The following FRMD4B variants were observed in gnomAD, a reference collection of about 807,000 sequenced individuals.
FRMD4B encodes FERM domain-containing protein 4B.
Under a neutral mutation model 141.5 loss-of-function variants are expected in FRMD4B, and 74 were observed. That is an observed-to-expected ratio of 0.52 (90% CI 0.43 to 0.63). FRMD4B has a LOEUF of 0.63. Among genes scored for constraint, FRMD4B ranks in the 30% least tolerant of loss-of-function variants. The pLI is 0.00. For missense variants in FRMD4B, 1,366 were observed against 1,253.4 expected, an observed-to-expected ratio of 1.09 and a Z score of -1.36; for synonymous variants, 506 against 467.9, an observed-to-expected ratio of 1.08 and a Z score of -1.05.
intron 7 of FRMD4B, among the ~76,000 whole-genome samples, chr3:69,245,621 A>G (rs189604518): frequency 2.6e-4 from 40 of 151,064 alleles, no homozygotes; most frequent in African/African-American, 8.5e-4. Flanking sequence ...TGCTGGGATT[A>G]CAGAAGTGAG....
chr3:69,395,808 T>C (rs1051661454), intron 2 of FRMD4B, among the ~76,000 whole-genome samples: 1 of 152,214 alleles, frequency 6.6e-6, no homozygotes, highest in African/African-American at 2.4e-5. Flanking sequence ...AAAATAGTTA[T>C]GTATTCCTCA....
chr3:69,477,320 A>G (rs1706018954), intron 1 of FRMD4B, among the ~76,000 whole-genome samples: 1 of 146,484 alleles, frequency 6.8e-6, no homozygotes, highest in South Asian at 2.2e-4. Flanking sequence ...TTGCCCATTC[A>G]GTATGATATT....
At chr3:69,437,910 A>G (rs890212422) in intron 1 of FRMD4B, among the ~76,000 whole-genome samples, 9 of 136,016 alleles carry the variant, frequency 6.6e-5, no homozygotes, top group African/African-American at 2.5e-4. Flanking sequence ...CTATTATTGT[A>G]TAATATATAT....
intron 2 of FRMD4B, among the ~76,000 whole-genome samples, chr3:69,395,029 AG>A (rs1704451321): frequency 6.6e-6 from 1 of 152,082 alleles, no homozygotes; most frequent in Non-Finnish European, 1.5e-5. Flanking sequence ...GTGGAGGGCA[AG>A]GGGAGGGAGA....
At chr3:69,492,226 A>G (rs556800067) in intron 1 of FRMD4B, among the ~76,000 whole-genome samples, 1 of 152,172 alleles carries the variant, frequency 6.6e-6, no homozygotes, top group African/African-American at 2.4e-5. Context: ...TGATTTTGGC[A>G]CTTCTCCCAT....
intron 11 of FRMD4B, among the ~76,000 whole-genome samples, chr3:69,205,077 A>AAAAAAAAAAAAAAAAAAAAAAAAAG (rs1216411200): frequency 2.0e-5 from 3 of 150,616 alleles, no homozygotes; most frequent in African/African-American, 7.4e-5. Flanking sequence ...AAAAAAAAGA[A>AAAAAAAAAAAAAAAAAAAAAAAAAG]AAAGAGAAAA....
At chr3:69,360,048 T>C (rs1210674332) in intron 1 of FRMD4B, among the ~76,000 whole-genome samples, 1 of 152,190 alleles carries the variant, frequency 6.6e-6, no homozygotes, top group East Asian at 1.9e-4. Context: ...ACTCAGGCAT[T>C]CTGTTAGATT....
At chr3:69,273,179 A>C (rs1223448170) in intron 5 of FRMD4B, among the ~76,000 whole-genome samples, 2 of 152,218 alleles carry the variant, frequency 1.3e-5, no homozygotes, top group African/African-American at 4.8e-5. Context: ...ATGAGGTTTC[A>C]GGATTAACTG....
intron 1 of FRMD4B, among the ~76,000 whole-genome samples, chr3:69,381,971 A>G (rs188070845): frequency 4.9e-4 from 75 of 152,078 alleles, no homozygotes; most frequent in African/African-American, 1.7e-3. Context: ...TAACCTTTTA[A>G]TTCATTGTTA....
intron 1 of FRMD4B, among the ~76,000 whole-genome samples, chr3:69,451,050 G>C (rs1449688733): frequency 6.6e-6 from 1 of 152,164 alleles, no homozygotes. Flanking sequence ...TTCTAGCAGA[G>C]CTTCAGAAAG....
intron 1 of FRMD4B, among the ~76,000 whole-genome samples, chr3:69,487,466 A>G (rs1706233857): frequency 1.3e-5 from 2 of 152,220 alleles, no homozygotes; most frequent in African/African-American, 4.8e-5. Context: ...AACCCAGCCT[A>G]TCTGGAAGAG....
Position 69,185,552 on chromosome 3 carries a change from A to T in FRMD4B, c.1919+2218T>A, listed in dbSNP as rs964793466. Among the ~76,000 whole-genome samples the T allele has an allele frequency of 3.3e-5, 5 of 152,246 alleles. No individual in the cohort carries two copies. In the South Asian group the frequency reaches 8.3e-4, roughly 25 times the overall value. On this transcript the variant is annotated intron_variant, in intron 19 of 22. Coordinates refer to ENST00000398540, the MANE Select transcript of FRMD4B (RefSeq NM_015123.3). ...CAAGCTTTGGATCCTGCCAAGTTCT[A>T]GGCTACCTAGGTTCAAACCTTGATT...
Position 69,171,736 on chromosome 3 carries a change from A to C in FRMD4B, c.*125T>G. On this transcript the variant is annotated 3_prime_UTR_variant, in exon 23 of 23. Coordinates refer to ENST00000398540, the MANE Select transcript of FRMD4B (RefSeq NM_015123.3). ...CACTGATTCACTTCCAGGGCAACTA[A>C]GTCTTCTCTTCAACCTTTGATGTCT... 1.1e-6 allele frequency: 1 copy of C among 890,238 alleles called. No homozygotes were observed. The allele number at this position is 890,238 out of a possible 1,614,324, so 55.1% of individuals were successfully genotyped here.
chr3:69,276,835 C>T (rs1432301430), intron 5 of FRMD4B, among the ~76,000 whole-genome samples: 3 of 152,154 alleles, frequency 2.0e-5, no homozygotes, highest in Non-Finnish European at 4.4e-5. Flanking sequence ...CATGGCGGCA[C>T]GTGCCTGTAG....
intron 2 of FRMD4B, among the ~76,000 whole-genome samples, chr3:69,392,591 G>A (rs548154127): frequency 6.6e-6 from 1 of 152,292 alleles, no homozygotes; most frequent in South Asian, 2.1e-4. Flanking sequence ...GCAGGGCTGT[G>A]GGAATATCTA....
intron 1 of FRMD4B, among the ~76,000 whole-genome samples, chr3:69,508,254 T>C (rs985124261): frequency 6.6e-6 from 1 of 152,230 alleles, no homozygotes; most frequent in Admixed American, 6.5e-5. Context: ...TTTTATTTTA[T>C]TAAACGAGGT....
At chr3:69,442,447 T>C (rs1190492990) in intron 1 of FRMD4B, among the ~76,000 whole-genome samples, 1 of 152,134 alleles carries the variant, frequency 6.6e-6, no homozygotes, top group Non-Finnish European at 1.5e-5. Flanking sequence ...AGAAGGCAGA[T>C]TGTCAATCCC....
At chr3:69,444,172 C>A (rs1228143486) in intron 1 of FRMD4B, among the ~76,000 whole-genome samples, 1 of 152,102 alleles carries the variant, frequency 6.6e-6, no homozygotes, top group Non-Finnish European at 1.5e-5. Context: ...AAAACCCTAG[C>A]GTCTTTGGGG....
At chr3:69,203,346 A>G (rs1465371252) in intron 11 of FRMD4B, among the ~76,000 whole-genome samples, 1 of 122,494 alleles carries the variant, frequency 8.2e-6, no homozygotes, top group African/African-American at 3.1e-5. Context: ...AAAAAAAAAG[A>G]AAGAAAGAAA....
Sources: gnomAD v4.1 joint callset for allele counts (sites outside exome capture counted in the v4.1 genomes callset) on GRCh38, gnomAD v4.1.1 for gene constraint, MANE v1.5 for transcripts, NCBI Gene and HGNC (gene_info 2026-07-23, HGNC 2026-07-21) for gene names.